The following MTMR2 variants were observed in gnomAD, a reference collection of about 807,000 sequenced individuals.
The protein encoded by MTMR2 is myotubularin related protein 2.
A neutral mutation model predicts 86.9 loss-of-function variants in MTMR2; 55 were observed. That is an observed-to-expected ratio of 0.63 (90% confidence interval 0.51 to 0.79). The LOEUF is 0.79. Ranked by LOEUF, MTMR2 falls within the 30% of genes least tolerant of loss-of-function variation. MTMR2 has a pLI of 0.00. For synonymous variants in MTMR2, 241 were observed against 266.8 expected (o/e 0.90, Z 0.94); for missense variants, 659 against 772.3 (o/e 0.85, Z 1.74).
At chr11:95,858,926 T>C (rs897671841) in intron 5 of MTMR2, among the ~76,000 whole-genome samples, 3 of 152,174 alleles carry the variant, frequency 2.0e-5, no homozygotes, top group Admixed American at 6.5e-5. Flanking sequence ...CCACTGGAGA[T>C]TAACGATATT....
intron 1 of MTMR2, among the ~76,000 whole-genome samples, chr11:95,897,752 C>T (rs1865929034): frequency 6.6e-6 from 1 of 152,138 alleles, no homozygotes. Flanking sequence ...CCTAACAATA[C>T]ATACACGGTT....
rs1272750371 is a variant in MTMR2, at chr11:95,834,467, A to C, written c.*823T>G. The C allele has an allele frequency of 6.6e-6, 1 of 152,094 alleles. No homozygotes were observed. Among genetic ancestry groups the C allele is most frequent in the Non-Finnish European group, 1.5e-5 (1 of 67,976 alleles). 9.4% of individuals were successfully genotyped at this position (152,094 alleles called of 1,614,324 possible). ...TTTAAATACTTCTTAAAAACTTGCT[A>C]ATTAGCTTCTGTGTGTTCAGACACA... On this transcript the variant is annotated 3_prime_UTR_variant, in exon 15 of 15. Coordinates refer to ENST00000346299, the MANE Select transcript of MTMR2 (RefSeq NM_016156.6).
At chr11:95,850,866 T>G in intron 7 of MTMR2, 117 bp from the exon 8 acceptor site, 1 of 944,942 alleles carries the variant, frequency 1.1e-6, no homozygotes. Flanking sequence ...TCCTAAAGTG[T>G]TGGGATAGTT....
intron 1 of MTMR2, among the ~76,000 whole-genome samples, chr11:95,903,664 G>A (rs984932450): frequency 2.0e-5 from 3 of 152,078 alleles, no homozygotes; most frequent in African/African-American, 7.2e-5. Flanking sequence ...TCTCCACCCT[G>A]AATTTCCTAG....
intron 1 of MTMR2, among the ~76,000 whole-genome samples, chr11:95,920,154 T>A (rs10765774): frequency 6.6e-6 from 1 of 151,970 alleles, no homozygotes; most frequent in Admixed American, 6.5e-5. Context: ...ACTAGATTAT[T>A]AGGATGCTAA....
At chr11:95,917,538 G>A (rs1339643883) in intron 1 of MTMR2, among the ~76,000 whole-genome samples, 1 of 151,966 alleles carries the variant, frequency 6.6e-6, no homozygotes, top group Non-Finnish European at 1.5e-5. Context: ...CTGAAAATCC[G>A]CATATAATTT....
At chr11:95,910,123 GCA>G (rs1425991694) in intron 1 of MTMR2, among the ~76,000 whole-genome samples, 1 of 129,090 alleles carries the variant, frequency 7.7e-6, no homozygotes, top group East Asian at 2.2e-4. Flanking sequence ...ACGCACGCAT[GCA>G]CGCACACACA....
At chr11:95,913,885 A>G (rs1408689289) in intron 1 of MTMR2, among the ~76,000 whole-genome samples, 1 of 152,178 alleles carries the variant, frequency 6.6e-6, no homozygotes, top group Non-Finnish European at 1.5e-5. Context: ...ACACACATCA[A>G]TAGCTGGAAA....
intron 13 of MTMR2, among the ~76,000 whole-genome samples, 157 bp from the exon 14 acceptor site, chr11:95,836,481 G>C (rs1280366880): frequency 6.6e-6 from 1 of 151,872 alleles, no homozygotes; most frequent in African/African-American, 2.4e-5. Flanking sequence ...AAGATCAGAG[G>C]GTACTGGAAA....
chr11:95,915,912 A>C (rs1353249363), intron 1 of MTMR2, among the ~76,000 whole-genome samples: 1 of 152,176 alleles, frequency 6.6e-6, no homozygotes. Context: ...GATCTTGTCA[A>C]TATTAAATGT....
At chr11:95,896,974 T>C (rs1210029013) in intron 1 of MTMR2, among the ~76,000 whole-genome samples, 1 of 151,626 alleles carries the variant, frequency 6.6e-6, no homozygotes, top group Non-Finnish European at 1.5e-5. Context: ...GTTAAAGAAG[T>C]AGTTGGGAAT....
At chr11:95,846,852 GCTT>G (rs1352000326) in intron 10 of MTMR2, among the ~76,000 whole-genome samples, 4 of 152,064 alleles carry the variant, frequency 2.6e-5, no homozygotes, top group African/African-American at 9.7e-5. Flanking sequence ...AAGCTTCTAA[GCTT>G]CTCAAAGGGA....
rs769020850 is a variant in MTMR2 at position 95,862,347 on chromosome 11, T to C, written c.282A>G (p.Ile94Met). 15 of 1,614,028 alleles carry C rather than the reference T, an allele frequency of 9.3e-6. No individual in the cohort carries two copies. In the South Asian group the frequency reaches 1.4e-4, roughly 15 times the overall value. Residue 94 changes from isoleucine to methionine, a missense_variant, in exon 4 of 15, where the codon ATA (isoleucine) becomes ATG (methionine). Physicochemically the swap from Ile to Met is conservative, Grantham distance 10. Coordinates refer to ENST00000346299, the MANE Select transcript of MTMR2 (RefSeq NM_016156.6). ...CTCGTACAGCGCCAGTGAATGGACA[T>C]ATATAAGTTACATCTTTGGCTGAAA... Reference protein sequence around the residue: ...IKDMAKDVTYICPFTGAVRGT... With the variant: ...IKDMAKDVTYMCPFTGAVRGT...
At chr11:95,872,288 T>G (rs1591008267) in intron 2 of MTMR2, among the ~76,000 whole-genome samples, 1 of 152,336 alleles carries the variant, frequency 6.6e-6, no homozygotes, top group East Asian at 1.9e-4. Flanking sequence ...GTATCCTCTT[T>G]TATTTCATTG....
At chr11:95,923,611 C>T in intron 1 of MTMR2, 1 of 1,295,748 alleles carries the variant, frequency 7.7e-7, no homozygotes, top group Non-Finnish European at 1.0e-6. Context: ...AAGTAATTAA[C>T]TGGGACCACC....
intron 2 of MTMR2, among the ~76,000 whole-genome samples, 157 bp from the exon 3 acceptor site, chr11:95,865,833 A>G (rs1484657945): frequency 6.6e-6 from 1 of 152,218 alleles, no homozygotes; most frequent in East Asian, 1.9e-4. Flanking sequence ...GGCATGTATA[A>G]TATATGAAGT....
At chr11:95,908,341 G>T (rs148159079) in intron 1 of MTMR2, among the ~76,000 whole-genome samples, 1 of 152,020 alleles carries the variant, frequency 6.6e-6, no homozygotes, top group African/African-American at 2.4e-5. Context: ...AATCAAAGAC[G>T]ATGCAAGCAA....
At chr11:95,846,551 A>G (rs1460713176) in intron 10 of MTMR2, among the ~76,000 whole-genome samples, 1 of 152,212 alleles carries the variant, frequency 6.6e-6, no homozygotes, top group Non-Finnish European at 1.5e-5. Context: ...AGACCAGAAG[A>G]GAGTGATTGA....
intron 7 of MTMR2, among the ~76,000 whole-genome samples, chr11:95,850,990 T>C (rs529354633): frequency 1.3e-5 from 2 of 151,972 alleles, no homozygotes; most frequent in South Asian, 4.2e-4. Context: ...TCACTAAATA[T>C]TCAGTGTGGA....
Sources: allele counts gnomAD v4.1 joint callset (sites outside exome capture counted in the v4.1 genomes callset), GRCh38; gene constraint gnomAD v4.1.1; transcripts MANE v1.5; gene names NCBI Gene and HGNC (gene_info 2026-07-23, HGNC 2026-07-21).